Variants in GRIA4 observed in about 807,000 individuals in gnomAD.
The protein encoded by GRIA4 is glutamate receptor 4.
A neutral mutation model predicts 104.0 loss-of-function variants in GRIA4; 34 were observed. That is an observed-to-expected ratio of 0.33 (90% CI 0.25 to 0.44). GRIA4 has a LOEUF of 0.44. Among genes scored for constraint, GRIA4 ranks in the 20% least tolerant of loss-of-function variants. The probability of loss-of-function intolerance (pLI) is 1.00; values close to 1 mark genes in which losing one functional copy is unlikely to be tolerated. For missense variants in GRIA4, 750 were observed against 1,096.5 expected (o/e 0.68, Z 4.46); for synonymous variants, 386 against 381.9 (o/e 1.01, Z -0.13).
At chr11:105,638,118 T>C (rs995470924) in intron 3 of GRIA4, among the ~76,000 whole-genome samples, 1 of 152,154 alleles carries the variant, frequency 6.6e-6, no homozygotes, top group Non-Finnish European at 1.5e-5. Flanking sequence ...GATAGAACTA[T>C]AGTAGTTCTT....
chr11:105,816,135 G>C (rs1354817426), intron 4 of GRIA4, among the ~76,000 whole-genome samples: 1 of 152,122 alleles, frequency 6.6e-6, no homozygotes, highest in Non-Finnish European at 1.5e-5. Flanking sequence ...TATCGATCTT[G>C]GGCCAGGCAC....
At chr11:105,641,699 C>G (rs555072411) in intron 3 of GRIA4, among the ~76,000 whole-genome samples, 26 of 152,222 alleles carry the variant, frequency 1.7e-4, no homozygotes, top group African/African-American at 6.3e-4. Flanking sequence ...ACCTTCCCAT[C>G]CTTAACCACT....
chr11:105,930,813 A>G (rs1327390714), intron 13 of GRIA4, among the ~76,000 whole-genome samples: 1 of 152,158 alleles, frequency 6.6e-6, no homozygotes, highest in Non-Finnish European at 1.5e-5. Context: ...TAGCTCAATT[A>G]AAACAATATT....
chr11:105,818,647 A>G (rs564515903), intron 4 of GRIA4, among the ~76,000 whole-genome samples: 3 of 152,186 alleles, frequency 2.0e-5, no homozygotes, highest in Non-Finnish European at 4.4e-5. Context: ...GAGCAATTAC[A>G]TGACAAATAC....
chr11:105,924,874 G>C, intron 12 of GRIA4, 105 bp downstream of exon 12: 1 of 869,376 alleles, frequency 1.2e-6, no homozygotes. Flanking sequence ...AGGACTATTT[G>C]AAACACAGAA....
At chr11:105,670,003 T>C (rs1200482544) in intron 3 of GRIA4, among the ~76,000 whole-genome samples, 3 of 152,098 alleles carry the variant, frequency 2.0e-5, no homozygotes, top group African/African-American at 7.2e-5. Flanking sequence ...AGGATGTGCA[T>C]TTAAAATGTA....
chr11:105,723,793 G>C (rs1171110033), intron 3 of GRIA4, among the ~76,000 whole-genome samples: 2 of 151,982 alleles, frequency 1.3e-5, no homozygotes, highest in African/African-American at 4.8e-5. Context: ...TGGTCCTAAG[G>C]CTCAATAAAA....
chr11:105,793,409 T>C (rs945686248), intron 4 of GRIA4, among the ~76,000 whole-genome samples: 7 of 152,142 alleles, frequency 4.6e-5, no homozygotes, highest in African/African-American at 1.7e-4. Context: ...TCCTGCTAGG[T>C]CTGTCTTCTG....
intron 3 of GRIA4, among the ~76,000 whole-genome samples, chr11:105,622,061 C>A (rs1950761958): frequency 6.6e-6 from 1 of 151,664 alleles, no homozygotes; most frequent in Admixed American, 6.6e-5. Context: ...TAGAAATTAA[C>A]CCTTTGTCAT....
chr11:105,921,577 G>A lies in GRIA4; in HGVS notation c.1476+2659G>A, dbSNP rs376505285. Among the ~76,000 whole-genome samples the A allele has an allele frequency of 5.3e-5, 8 of 151,956 alleles. No homozygotes were observed. The South Asian group carries it at 1.7e-3, about 32-fold the overall frequency. ...TAACTTTTTGAAAGTGTCCCTCATT[G>A]GACATGGATGTCACCACCTTCATAC... On this transcript the variant is annotated intron_variant, in intron 11 of 16. Transcript: ENST00000282499.
chr11:105,976,067 C>G (rs1333484924), intron 16 of GRIA4, among the ~76,000 whole-genome samples: 1 of 151,980 alleles, frequency 6.6e-6, no homozygotes, highest in African/African-American at 2.4e-5. Flanking sequence ...TTAATGTTTA[C>G]AGAGTTGATG....
chr11:105,688,103 CATATCT>C (rs749922258), intron 3 of GRIA4, among the ~76,000 whole-genome samples: 2,626 of 129,520 alleles, frequency 0.02, 49 homozygotes, highest in African/African-American at 0.046. Flanking sequence ...CTCTCTGTCT[CATATCT>C]ATATCTATAT....
rs1354972160 is a variant in GRIA4 at position 105,700,868 on chromosome 11, T to C, written c.248-52113T>C. 4.6e-5 allele frequency among the ~76,000 whole-genome samples: 7 copies of C among 152,126 alleles called. 1 individual carries two copies. The highest frequency in any genetic ancestry group is 2.0e-4 in the Admixed American group (3 of 15,252). On this transcript the variant is annotated intron_variant, in intron 3 of 16. Coordinates refer to ENST00000282499, the MANE Select transcript of GRIA4 (RefSeq NM_000829.4). ...TCACCTCACAGTAAACAAGATTGCC[T>C]TCAAAACTCCAAATCTATATTGACT...
chr11:105,677,725 A>G (rs1169815798), intron 3 of GRIA4, among the ~76,000 whole-genome samples: 2 of 152,000 alleles, frequency 1.3e-5, no homozygotes, highest in African/African-American at 2.4e-5. Context: ...TACACAGAAG[A>G]TAATAGTTGA....
At chr11:105,702,591 C>T (rs1168914569) in intron 3 of GRIA4, among the ~76,000 whole-genome samples, 1 of 150,456 alleles carries the variant, frequency 6.6e-6, no homozygotes, top group Non-Finnish European at 1.5e-5. Flanking sequence ...GTAATAACAA[C>T]AAACAAGACA....
intron 6 of GRIA4, among the ~76,000 whole-genome samples, chr11:105,888,271 C>CT (rs71469040): frequency 0.24 from 12,817 of 53,824 alleles, 4,911 homozygotes; most frequent in East Asian, 0.46. Context: ...ATGTTTTCTC[C>CT]TTTTTTTTTT....
rs907518849 is a variant in GRIA4, at chr11:105,955,523, T to C, written c.2295-16391T>C. Among the ~76,000 whole-genome samples, 20 of 152,224 alleles carry C rather than the reference T, an allele frequency of 1.3e-4. 1 individual carries two copies. Among genetic ancestry groups the C allele is most frequent in the African/African-American group, 3.4e-4 (14 of 41,464 alleles). On this transcript the variant is annotated intron_variant, in intron 14 of 16. Transcript: ENST00000282499. Reference sequence around the variant, plus strand: ...CATATTTTCTTTATCCAGTCTATCATTGATGGGCATATTGGTCGGTTCCAT... The same window carrying C: ...CATATTTTCTTTATCCAGTCTATCACTGATGGGCATATTGGTCGGTTCCAT...
At chr11:105,635,333 G>T (rs988362774) in intron 3 of GRIA4, among the ~76,000 whole-genome samples, 3 of 152,040 alleles carry the variant, frequency 2.0e-5, no homozygotes, top group Non-Finnish European at 4.4e-5. Flanking sequence ...TATAATTTGT[G>T]ACTTGGAAGA....
chr11:105,752,385 G>A (rs1487465493), intron 3 of GRIA4, among the ~76,000 whole-genome samples: 1 of 152,074 alleles, frequency 6.6e-6, no homozygotes, highest in Non-Finnish European at 1.5e-5. Context: ...GCAGCCTAAC[G>A]TCTGTTTTCA....
Sources: allele counts gnomAD v4.1 joint callset (sites outside exome capture counted in the v4.1 genomes callset), GRCh38; gene constraint gnomAD v4.1.1; transcripts MANE v1.5; gene names NCBI Gene and HGNC (gene_info 2026-07-23, HGNC 2026-07-21).